The following HIRA variants were observed in gnomAD, a reference collection of about 807,000 sequenced individuals.
HIRA encodes histone cell cycle regulator, also known as protein HIRA.
HIRA carries 13 observed loss-of-function variants against 126.6 expected under a neutral mutation model. The ratio of observed to expected loss-of-function variants is 0.10; its 90% CI spans 0.07 to 0.16. The LOEUF (loss-of-function observed/expected upper bound fraction) is 0.16. Ranked by LOEUF, HIRA falls within the 10% of genes least tolerant of loss-of-function variation. HIRA has a pLI of 1.00. For synonymous variants in HIRA, 511 were observed against 520.0 expected, an observed-to-expected ratio of 0.98 and a Z score of 0.24; for missense variants, 834 against 1,314.4, an observed-to-expected ratio of 0.63 and a Z score of 5.65.
intron 24 of HIRA, among the ~76,000 whole-genome samples, chr22:19,344,164 A>C (rs1556008288): frequency 6.6e-6 from 1 of 152,202 alleles, no homozygotes; most frequent in Non-Finnish European, 1.5e-5. Flanking sequence ...AGCTAGCAGA[A>C]GAAAATAATA....
intron 16 of HIRA, 88 bp from the exon 17 acceptor site, chr22:19,361,429 G>T: frequency 8.9e-7 from 1 of 1,122,966 alleles, no homozygotes. Context: ...GTGAGGCTGA[G>T]CCTGCGACCA....
intron 21 of HIRA, 100 bp downstream of exon 21, chr22:19,355,660 A>T: frequency 3.9e-6 from 3 of 764,584 alleles, no homozygotes; most frequent in Non-Finnish European, 6.8e-6. Context: ...TCTCAGGAAA[A>T]GCAGGGCTAG....
At chr22:19,374,055 G>A (rs534389665) in intron 15 of HIRA, among the ~76,000 whole-genome samples, 4 of 152,086 alleles carry the variant, frequency 2.6e-5, no homozygotes, top group East Asian at 3.9e-4. Context: ...CATGGAGACC[G>A]CGCGCGGTGG....
intron 24 of HIRA, among the ~76,000 whole-genome samples, chr22:19,346,903 G>A (rs2088692839): frequency 6.6e-6 from 1 of 152,184 alleles, no homozygotes; most frequent in Admixed American, 6.5e-5. Context: ...CCTGTTTGGA[G>A]TTGGTAAGAA....
At chr22:19,335,760 G>A (rs1026387039) in intron 24 of HIRA, among the ~76,000 whole-genome samples, 1 of 151,840 alleles carries the variant, frequency 6.6e-6, no homozygotes. Context: ...AAATTACTCC[G>A]GCTTCATAAT....
At chr22:19,381,522 G>A (rs1400822040) in intron 13 of HIRA, among the ~76,000 whole-genome samples, 1 of 152,164 alleles carries the variant, frequency 6.6e-6, no homozygotes, top group Admixed American at 6.5e-5. Flanking sequence ...CGCCTATTAA[G>A]CATCGATGAG....
In HIRA at chr22:19,398,100, A is replaced by G; in HGVS notation, c.398-13T>C. On this transcript the variant is annotated splice_polypyrimidine_tract_variant and intron_variant, in intron 5 of 24. Coordinates refer to ENST00000263208, the MANE Select transcript of HIRA (RefSeq NM_003325.4). ...ACATCCATCACATCTGAAAGAAGAC[A>G]GAGGGTTCTGGTGAGATCTCTTACC... The G allele has an allele frequency of 3.1e-6, 5 of 1,607,620 alleles. No homozygotes were observed. The highest frequency in any genetic ancestry group is 4.3e-6 in the Non-Finnish European group (5 of 1,174,392).
intron 6 of HIRA, 58 bp downstream of exon 6, chr22:19,397,934 C>G: frequency 7.6e-7 from 1 of 1,314,956 alleles, no homozygotes. Context: ...CCAACCCCTG[C>G]TCCAGAAACT....
intron 12 of HIRA, among the ~76,000 whole-genome samples, chr22:19,384,357 C>T (rs193221055): frequency 2.7e-5 from 4 of 148,984 alleles, no homozygotes; most frequent in South Asian, 4.3e-4. Context: ...AGATATCATG[C>T]GGTATTTGTC....
chr22:19,358,130 G>A (rs1022014632), intron 18 of HIRA, among the ~76,000 whole-genome samples: 7 of 152,140 alleles, frequency 4.6e-5, no homozygotes, highest in Non-Finnish European at 8.8e-5. Flanking sequence ...CTCCCGAGTA[G>A]CTGGGATTAC....
rs2089541036 is a variant in HIRA, at chr22:19,431,662, C to T, written c.-186G>A. 2.0e-6 allele frequency: 1 copy of T among 511,442 alleles called. No homozygotes were observed. The highest frequency in any genetic ancestry group is 4.9e-5 in the East Asian group (1 of 20,230). The allele number at this position is 511,442 out of a possible 1,614,324, so 31.7% of individuals were successfully genotyped here. A position where few individuals can be genotyped will look rare whatever the true frequency, so the allele number is the denominator to read the frequency against. On this transcript the variant is annotated 5_prime_UTR_variant, in exon 1 of 25. Coordinates refer to ENST00000263208, the MANE Select transcript of HIRA (RefSeq NM_003325.4). ...CCTCCGCCGCCACAGCCGCCACCCGCGCTCGGCCGCCGCCGCCGCCACCAC... is the reference window on the plus strand; with the variant it reads ...CCTCCGCCGCCACAGCCGCCACCCGTGCTCGGCCGCCGCCGCCGCCACCAC...
At chr22:19,346,592 T>C (rs896514975) in intron 24 of HIRA, among the ~76,000 whole-genome samples, 2 of 152,252 alleles carry the variant, frequency 1.3e-5, no homozygotes, top group African/African-American at 2.4e-5. Flanking sequence ...GGAGAAAACC[T>C]GCTCATTTTC....
chr22:19,421,942 GATTAC>G (rs2146256892), intron 1 of HIRA, among the ~76,000 whole-genome samples: 1 of 152,200 alleles, frequency 6.6e-6, no homozygotes, highest in East Asian at 1.9e-4. Flanking sequence ...AAAGTGCTGG[GATTAC>G]AGGTGTGAGC....
intron 1 of HIRA, among the ~76,000 whole-genome samples, chr22:19,413,869 C>G (rs910407441): frequency 6.6e-6 from 1 of 152,052 alleles, no homozygotes; most frequent in African/African-American, 2.4e-5. Flanking sequence ...CTCAGCCTCC[C>G]AAAGTGCTGG....
chr22:19,333,115 C>T (rs1164795334), intron 24 of HIRA, among the ~76,000 whole-genome samples: 1 of 152,064 alleles, frequency 6.6e-6, no homozygotes, highest in Non-Finnish European at 1.5e-5. Flanking sequence ...ACCTTGTTGG[C>T]CAGGCTGATC....
intron 5 of HIRA, among the ~76,000 whole-genome samples, chr22:19,403,953 TATTTTCTAGAAAATTA>T (rs1479061284): frequency 6.6e-6 from 1 of 152,206 alleles, no homozygotes; most frequent in Non-Finnish European, 1.5e-5. Flanking sequence ...TGAAAGTTCC[TATTTTCTAGAAAATTA>T]TTTTTTAGTA....
chr22:19,411,028 T>A (rs1474875098), intron 1 of HIRA, among the ~76,000 whole-genome samples: 1 of 152,220 alleles, frequency 6.6e-6, no homozygotes, highest in Non-Finnish European at 1.5e-5. Context: ...ATGATTGAAG[T>A]TCTGAGTCTC....
chr22:19,378,460 C>T (rs2089039754), intron 13 of HIRA, among the ~76,000 whole-genome samples: 1 of 152,226 alleles, frequency 6.6e-6, no homozygotes, highest in African/African-American at 2.4e-5. Flanking sequence ...CATAATATAC[C>T]TAACCCAGCC....
chr22:19,362,532 G>C (rs1038585446), intron 15 of HIRA, among the ~76,000 whole-genome samples: 3 of 152,098 alleles, frequency 2.0e-5, no homozygotes, highest in Non-Finnish European at 4.4e-5. Context: ...TAATAATGCT[G>C]AGAGGAGAGA....
Sources: allele counts gnomAD v4.1 joint callset (sites outside exome capture counted in the v4.1 genomes callset), GRCh38; gene constraint gnomAD v4.1.1; transcripts MANE v1.5; gene names NCBI Gene and HGNC (gene_info 2026-07-23, HGNC 2026-07-21).